RBFOX1: variants seen among roughly 807,000 people sequenced by gnomAD.
The protein encoded by RBFOX1 is RNA binding fox-1 homolog 1, also known as RNA binding protein fox-1 homolog 1.
A neutral mutation model predicts 57.7 loss-of-function variants in RBFOX1; 8 were observed. The observed-to-expected ratio is 0.14, with a 90% CI of 0.08 to 0.25. The LOEUF is 0.25. Among genes scored for constraint, RBFOX1 ranks in the 10% least tolerant of loss-of-function variants. The probability of loss-of-function intolerance (pLI) is 1.00; values close to 1 mark genes in which losing one functional copy is unlikely to be tolerated. For synonymous variants in RBFOX1, 326 were observed against 222.4 expected (o/e 1.47, Z -4.15); for missense variants, 611 against 548.5 (o/e 1.11, Z -1.14).
intron 3 of RBFOX1, among the ~76,000 whole-genome samples, chr16:6,789,216 G>C (rs1194298006): frequency 3.9e-5 from 6 of 152,070 alleles, no homozygotes; most frequent in Admixed American, 6.5e-5. Context: ...TGAAATGCAC[G>C]TGACAAGATG....
At chr16:6,896,273 A>G (rs1054424385) in intron 3 of RBFOX1, among the ~76,000 whole-genome samples, 1 of 152,198 alleles carries the variant, frequency 6.6e-6, no homozygotes, top group African/African-American at 2.4e-5. Context: ...AACAAAACAT[A>G]AAACAGTTTA....
intron 3 of RBFOX1, among the ~76,000 whole-genome samples, chr16:6,678,579 A>G (rs1026487213): frequency 6.6e-6 from 1 of 151,396 alleles, no homozygotes; most frequent in Non-Finnish European, 1.5e-5. Context: ...TTGTGATAAC[A>G]CAAGTGTTTC....
Position 7,589,299 on chromosome 16 carries a change from A to G in RBFOX1, c.468+1999A>G, listed in dbSNP as rs561528125. Reference sequence around the variant, plus strand: ...TGTTTTGTAACTTTTGCCAGTTACAATGAAGAAAGCTGTTTAATTCCTTCT... The same window carrying G: ...TGTTTTGTAACTTTTGCCAGTTACAGTGAAGAAAGCTGTTTAATTCCTTCT... On this transcript the variant is annotated intron_variant, in intron 7 of 15. Coordinates refer to ENST00000550418, the MANE Select transcript of RBFOX1 (RefSeq NM_018723.4). Among the ~76,000 whole-genome samples, 3 of 152,338 alleles carry G rather than the reference A, an allele frequency of 2.0e-5. No homozygotes were observed. In the South Asian group the frequency reaches 6.2e-4, roughly 32 times the overall value.
intron 4 of RBFOX1, among the ~76,000 whole-genome samples, chr16:5,948,708 C>T (rs762319824): frequency 6.6e-5 from 10 of 152,150 alleles, no homozygotes; most frequent in South Asian, 2.1e-4. Context: ...TCCCTCAGAG[C>T]CGCAGGATGG....
intron 2 of RBFOX1, among the ~76,000 whole-genome samples, chr16:6,506,991 C>T (rs1304930078): frequency 6.6e-6 from 1 of 152,116 alleles, no homozygotes; most frequent in African/African-American, 2.4e-5. Flanking sequence ...TTATGTCAGG[C>T]AGTGAACTTA....
At chr16:5,866,901 T>C (rs1022096206) in intron 3 of RBFOX1, among the ~76,000 whole-genome samples, 1 of 152,192 alleles carries the variant, frequency 6.6e-6, no homozygotes, top group Admixed American at 6.5e-5. Context: ...ACCTGGTGTT[T>C]CTCATAACAC....
intron 2 of RBFOX1, among the ~76,000 whole-genome samples, chr16:5,488,567 GGTGA>G (rs1380533569): frequency 0.011 from 110 of 10,340 alleles, 3 homozygotes; most frequent in Middle Eastern, 0.33. Context: ...GGAGGATTAT[GGTGA>G]TGATGGTGAT....
At chr16:7,042,826 T>A (rs2046615147) in intron 3 of RBFOX1, among the ~76,000 whole-genome samples, 1 of 152,148 alleles carries the variant, frequency 6.6e-6, no homozygotes, top group Admixed American at 6.5e-5. Context: ...CTCGGGAGGC[T>A]GAGGCAGGAG....
At chr16:5,361,913 G>A (rs990444887) in intron 1 of RBFOX1, among the ~76,000 whole-genome samples, 7 of 152,220 alleles carry the variant, frequency 4.6e-5, no homozygotes, top group Admixed American at 3.9e-4. Flanking sequence ...TTAATGTTCT[G>A]AGAATGGTTT....
At chr16:6,995,021 A>C (rs2092047008) in intron 3 of RBFOX1, among the ~76,000 whole-genome samples, 2 of 150,348 alleles carry the variant, frequency 1.3e-5, no homozygotes, top group Non-Finnish European at 3.0e-5. Flanking sequence ...GTATATGGAT[A>C]TATATGTGCC....
In RBFOX1 at chr16:7,058,007, A is replaced by G. The variant is rs1276939804; in HGVS notation, c.27+5909A>G. Among the ~76,000 whole-genome samples, 48 of 86,180 alleles carry G rather than the reference A, an allele frequency of 5.6e-4. 1 individual carries two copies. The highest frequency in any genetic ancestry group is 2.6e-3 in the African/African-American group (40 of 15,606). 56.5% of individuals were successfully genotyped at this position (86,180 alleles called of 152,430 possible). A position where few individuals can be genotyped will look rare whatever the true frequency, so the allele number is the denominator to read the frequency against. ...TGGTCGACAGAGGGAGACTGTGGGG[A>G]AAAAAAAAAAAAAAACACGAAAACC... is the stretch of plus-strand genomic sequence containing the variant. On this transcript the variant is annotated intron_variant, in intron 4 of 15. Transcript: ENST00000550418.
At chr16:5,833,028 G>C (rs2056332604) in intron 3 of RBFOX1, among the ~76,000 whole-genome samples, 1 of 152,232 alleles carries the variant, frequency 6.6e-6, no homozygotes, top group Admixed American at 6.5e-5. Flanking sequence ...AAAATGCATA[G>C]GCACAATTTT....
chr16:6,391,589 G>A (rs992192874), intron 2 of RBFOX1, among the ~76,000 whole-genome samples: 3 of 152,110 alleles, frequency 2.0e-5, no homozygotes, highest in African/African-American at 7.2e-5. Flanking sequence ...TAAGCAAATG[G>A]GTTGCAGGAA....
intron 2 of RBFOX1, among the ~76,000 whole-genome samples, chr16:6,365,571 A>T (rs1475666151): frequency 6.6e-6 from 1 of 152,116 alleles, no homozygotes; most frequent in Non-Finnish European, 1.5e-5. Context: ...TTCTCTGGGG[A>T]GGGGCACTGG....
intron 3 of RBFOX1, among the ~76,000 whole-genome samples, chr16:5,684,991 G>T (rs1202737753): frequency 2.0e-5 from 3 of 152,184 alleles, no homozygotes; most frequent in Non-Finnish European, 4.4e-5. Flanking sequence ...GGGGCATCCA[G>T]CCTGATGGTT....
chr16:6,326,459 G>A (rs898839147), intron 2 of RBFOX1, among the ~76,000 whole-genome samples: 1 of 152,092 alleles, frequency 6.6e-6, no homozygotes, highest in African/African-American at 2.4e-5. Flanking sequence ...GAGGACCAAG[G>A]AGTATCCTAG....
chr16:6,365,825 G>A (rs1157720422), intron 2 of RBFOX1, among the ~76,000 whole-genome samples: 1 of 152,172 alleles, frequency 6.6e-6, no homozygotes, highest in Admixed American at 6.5e-5. Context: ...TTGCTGGATT[G>A]TTGAGAGAAT....
intron 3 of RBFOX1, among the ~76,000 whole-genome samples, chr16:6,848,358 A>G (rs1037935207): frequency 2.6e-5 from 4 of 152,102 alleles, no homozygotes; most frequent in South Asian, 2.1e-4. Flanking sequence ...TATGAGTGAA[A>G]TTTATAGTTT....
intron 4 of RBFOX1, among the ~76,000 whole-genome samples, chr16:7,491,245 G>T (rs528096376): frequency 2.2e-4 from 33 of 151,968 alleles, no homozygotes; most frequent in Admixed American, 4.6e-4. Flanking sequence ...GGTTTCCTCC[G>T]CAGGAACACT....
Sources: allele counts gnomAD v4.1 joint callset (sites outside exome capture counted in the v4.1 genomes callset), GRCh38; gene constraint gnomAD v4.1.1; transcripts MANE v1.5; gene names NCBI Gene and HGNC (gene_info 2026-07-23, HGNC 2026-07-21).